The following AKAP7 variants were observed in gnomAD, a reference collection of about 807,000 sequenced individuals.
AKAP7 encodes the protein A-kinase anchoring protein 7.
AKAP7 carries 39 observed loss-of-function variants against 39.5 expected under a neutral mutation model. The ratio of observed to expected loss-of-function variants is 0.99; its 90% CI spans 0.76 to 1.29. AKAP7 has a LOEUF of 1.29. Ranked by LOEUF, AKAP7 falls within the 50% of genes most tolerant of loss-of-function variation. The pLI, the probability that AKAP7 is intolerant of heterozygous loss-of-function variation, is 0.00. For missense variants in AKAP7, 414 were observed against 407.7 expected (o/e 1.02, Z -0.13); for synonymous variants, 140 against 139.1 (o/e 1.01, Z -0.05).
rs553489824 is a variant in AKAP7 at position 131,246,042 on chromosome 6, G to T, written c.850+26234G>T. Among the ~76,000 whole-genome samples the T allele has an allele frequency of 8.6e-5, 13 of 151,120 alleles. No homozygotes were observed. In the South Asian group the frequency reaches 2.7e-3, roughly 32 times the overall value. ...TGTAGAGTCAGAATCTTACAGCAAG[G>T]TTTGCTTTTTATTATGACTCAGACT... On this transcript the variant is annotated intron_variant, in intron 7 of 7. Coordinates refer to ENST00000431975, the MANE Select transcript of AKAP7 (RefSeq NM_016377.4).
intron 7 of AKAP7, among the ~76,000 whole-genome samples, chr6:131,232,594 G>C (rs1012414632): frequency 2.6e-5 from 4 of 152,092 alleles, no homozygotes; most frequent in African/African-American, 9.7e-5. Context: ...GGGAGGCCGA[G>C]GTCAGGAGTT....
intron 7 of AKAP7, among the ~76,000 whole-genome samples, chr6:131,256,518 A>C (rs1585189546): frequency 6.6e-6 from 1 of 152,136 alleles, no homozygotes; most frequent in Non-Finnish European, 1.5e-5. Context: ...TTGTAGAATT[A>C]TTCCCAGCCC....
intron 7 of AKAP7, among the ~76,000 whole-genome samples, chr6:131,226,906 T>A (rs1036669015): frequency 6.6e-6 from 1 of 152,244 alleles, no homozygotes; most frequent in African/African-American, 2.4e-5. Context: ...ACATGTACGA[T>A]GTGCCTACTT....
intron 1 of AKAP7, among the ~76,000 whole-genome samples, chr6:131,138,885 G>A (rs956330682): frequency 4.3e-4 from 66 of 152,168 alleles, no homozygotes; most frequent in Non-Finnish European, 1.0e-4. Flanking sequence ...CATATTAATA[G>A]TTTACCAGCT....
intron 6 of AKAP7, among the ~76,000 whole-genome samples, chr6:131,216,857 A>T (rs1213245107): frequency 2.6e-5 from 4 of 152,232 alleles, no homozygotes; most frequent in Non-Finnish European, 5.9e-5. Flanking sequence ...TCTAAGGACT[A>T]GACCATCAAC....
intron 7 of AKAP7, among the ~76,000 whole-genome samples, chr6:131,260,995 G>C (rs1046897198): frequency 6.6e-6 from 1 of 152,044 alleles, no homozygotes; most frequent in Non-Finnish European, 1.5e-5. Flanking sequence ...TTGGGAGTTT[G>C]AGACCAGCCT....
intron 2 of AKAP7, among the ~76,000 whole-genome samples, chr6:131,153,096 C>T (rs1054700785): frequency 1.3e-5 from 2 of 149,932 alleles, no homozygotes; most frequent in African/African-American, 4.9e-5. Flanking sequence ...CGCCAGTGCA[C>T]TCCAGCCTGG....
the AKAP7 span, among the ~76,000 whole-genome samples, chr6:131,125,849 A>G: frequency 2.0e-5 from 3 of 152,160 alleles, no homozygotes; most frequent in Admixed American, 1.3e-4. Flanking sequence ...ATATTAATGT[A>G]TGCTGCTTGT....
intron 7 of AKAP7, among the ~76,000 whole-genome samples, chr6:131,265,057 A>G (rs1242902852): frequency 1.3e-5 from 2 of 152,228 alleles, no homozygotes; most frequent in African/African-American, 4.8e-5. Context: ...TGAGGGGACA[A>G]ACATCTAAAC....
chr6:131,253,064 T>C (rs1341133850), intron 7 of AKAP7: 1 of 1,613,586 alleles, frequency 6.2e-7, no homozygotes, highest in Non-Finnish European at 8.5e-7. Flanking sequence ...TCCTCTGCAG[T>C]CCTACAGAGA....
intron 5 of AKAP7, among the ~76,000 whole-genome samples, chr6:131,171,726 T>C (rs1306230683): frequency 1.3e-5 from 2 of 152,168 alleles, no homozygotes; most frequent in Admixed American, 6.5e-5. Flanking sequence ...TCAAGTACTA[T>C]GTAGGATTTA....
At chr6:131,203,502 ATTCT>A (rs1807812096) in intron 6 of AKAP7, among the ~76,000 whole-genome samples, 1 of 152,136 alleles carries the variant, frequency 6.6e-6, no homozygotes, top group Non-Finnish European at 1.5e-5. Context: ...CACGTATGTT[ATTCT>A]TTATTTAAAA....
rs766427311 is a variant in AKAP7, at chr6:131,160,199, G to A, written c.291+1G>A. Reference sequence around the variant, plus strand: ...GTCCATTCCAATCACCAACAAAGAGGTGCTATTTTTAAAAAGTTATTTTTA... The same window carrying A: ...GTCCATTCCAATCACCAACAAAGAGATGCTATTTTTAAAAAGTTATTTTTA... On this transcript the variant is annotated splice_donor_variant, in intron 3 of 7. Transcript: ENST00000431975. LOFTEE classifies it high-confidence loss of function. 1.9e-6 allele frequency: 3 copies of A among 1,595,574 alleles called. No homozygotes were observed. Among genetic ancestry groups the A allele is most frequent in the Non-Finnish European group, 2.6e-6 (3 of 1,176,026 alleles).
At chr6:131,130,318 T>A in the AKAP7 span, among the ~76,000 whole-genome samples, 1 of 152,096 alleles carries the variant, frequency 6.6e-6, no homozygotes, top group African/African-American at 2.4e-5. Flanking sequence ...TTTCTCTTTT[T>A]TTGAGATGGA....
intron 6 of AKAP7, among the ~76,000 whole-genome samples, chr6:131,217,889 T>G (rs1475694763): frequency 6.6e-6 from 1 of 152,138 alleles, no homozygotes; most frequent in African/African-American, 2.4e-5. Flanking sequence ...AAGGAATGAC[T>G]TTCTCCAACC....
At chr6:131,169,855 C>A (rs1803862314) in intron 5 of AKAP7, among the ~76,000 whole-genome samples, 1 of 152,092 alleles carries the variant, frequency 6.6e-6, no homozygotes, top group Non-Finnish European at 1.5e-5. Context: ...TTCATGTCAT[C>A]TCATTGCAGG....
chr6:131,261,266 T>A (rs563144404), intron 7 of AKAP7, among the ~76,000 whole-genome samples: 1 of 151,834 alleles, frequency 6.6e-6, no homozygotes, highest in Non-Finnish European at 1.5e-5. Flanking sequence ...ACAAATATGC[T>A]TTAAGATAGA....
At chr6:131,206,565 A>G (rs1585087439) in intron 6 of AKAP7, among the ~76,000 whole-genome samples, 1 of 152,308 alleles carries the variant, frequency 6.6e-6, no homozygotes, top group East Asian at 1.9e-4. Flanking sequence ...TGATGCTACC[A>G]TTAAGAGGAA....
chr6:131,164,029 C>T (rs932011214), intron 3 of AKAP7, among the ~76,000 whole-genome samples: 2 of 152,132 alleles, frequency 1.3e-5, no homozygotes, highest in Non-Finnish European at 2.9e-5. Flanking sequence ...CCAAGGACAG[C>T]ATCTCATGAT....
Sources: allele counts gnomAD v4.1 joint callset (sites outside exome capture counted in the v4.1 genomes callset), GRCh38; gene constraint gnomAD v4.1.1; transcripts MANE v1.5; gene names NCBI Gene and HGNC (gene_info 2026-07-23, HGNC 2026-07-21).